Variants in CARHSP1 observed in about 807,000 individuals in gnomAD.
CARHSP1 encodes calcium regulated heat stable protein 1.
CARHSP1 carries 14 observed loss-of-function variants against 12.5 expected under a neutral mutation model. The observed-to-expected ratio is 1.12, with a 90% CI of 0.74 to 1.75. The LOEUF is 1.75. Ranked by LOEUF, CARHSP1 falls within the 40% of genes most tolerant of loss-of-function variation. The pLI is 0.00. For missense variants in CARHSP1, 343 were observed against 201.6 expected, an observed-to-expected ratio of 1.70 and a Z score of -4.25; for synonymous variants, 161 against 82.0, an observed-to-expected ratio of 1.96 and a Z score of -5.20.
In CARHSP1 at chr16:8,855,200, C is replaced by G. The variant is rs369895461; in HGVS notation, c.408G>C (p.Lys136Asn). ...VVITHLAPGT[K>N]HETWSGHVIS... is the part of the protein sequence containing the mutation. ...TGACATGTCCAGACCAGGTCTCATG[C>G]TTGGTGCCTGGTGCCAGGTGAGTGA... The change falls in exon 4 of 4, where the codon AAG becomes AAC. Residue 136 changes from lysine to asparagine, a missense_variant. Physicochemically the swap from Lys to Asn is moderately conservative, Grantham distance 94 (BLOSUM62 0). Transcript: ENST00000311052. The G allele has an allele frequency of 5.2e-5, 84 of 1,612,180 alleles. No individual in the cohort carries two copies. The highest frequency in any genetic ancestry group is 7.0e-5 in the Non-Finnish European group (82 of 1,178,878).
chr16:8,861,653 G>A (rs1449050006), intron 1 of CARHSP1: 3 of 1,289,016 alleles, frequency 2.3e-6, no homozygotes, highest in Non-Finnish European at 3.0e-6. Context: ...TTCTGGAGGA[G>A]GTGGCATCCT....
intron 1 of CARHSP1, chr16:8,868,051 G>A (rs1353896099): frequency 6.6e-6 from 1 of 152,288 alleles, no homozygotes; most frequent in Non-Finnish European, 1.5e-5. Context: ...TAGCTTACGT[G>A]TCTCCCGGCA....
chr16:8,858,949 C>T (rs1195440122), intron 2 of CARHSP1: 5 of 475,698 alleles, frequency 1.1e-5, no homozygotes, highest in Non-Finnish European at 1.5e-5. Flanking sequence ...ACTGCCCACC[C>T]ATTGCCACTC....
At chr16:8,858,014 C>T (rs963582675) in intron 3 of CARHSP1, 39 of 251,262 alleles carry the variant, frequency 1.6e-4, no homozygotes, top group Middle Eastern at 2.9e-3. Context: ...CCACCCACCT[C>T]GGCCTCCCAA....
At chr16:8,864,073 A>G (rs1302373962) in intron 1 of CARHSP1, among the ~76,000 whole-genome samples, 1 of 152,168 alleles carries the variant, frequency 6.6e-6, no homozygotes, top group Non-Finnish European at 1.5e-5. Context: ...ACAAACTTCG[A>G]CCAAATGTCA....
Position 8,855,161 on chromosome 16 carries a change from C to G in CARHSP1, c.*3G>C, listed in dbSNP as rs1263824678. 1 of 1,574,232 alleles carries G rather than the reference C, an allele frequency of 6.4e-7. No homozygotes were observed. Among genetic ancestry groups the G allele is most frequent in the South Asian group, 1.2e-5 (1 of 86,654 alleles). ...ACAGGACAAGGGGTGCTTCCACCATCTCCTAGGAGCTGATGACATGTCCAG... is the reference window on the plus strand; with the variant it reads ...ACAGGACAAGGGGTGCTTCCACCATGTCCTAGGAGCTGATGACATGTCCAG... On this transcript the variant is annotated 3_prime_UTR_variant, in exon 4 of 4. Coordinates refer to ENST00000311052, the MANE Select transcript of CARHSP1 (RefSeq NM_014316.4).
chr16:8,855,332 G>A lies in CARHSP1; in HGVS notation c.282-6C>T, dbSNP rs751713938. ...GGACATACTCCCCTTCCACACTACGGGGGCATAAATAAAGCAGTCAGGGCT... is the reference window on the plus strand; with the variant it reads ...GGACATACTCCCCTTCCACACTACGAGGGCATAAATAAAGCAGTCAGGGCT... On this transcript the variant is annotated splice_region_variant and splice_polypyrimidine_tract_variant and intron_variant, in intron 3 of 3. Coordinates refer to ENST00000311052, the MANE Select transcript of CARHSP1 (RefSeq NM_014316.4). 10 of 1,557,974 alleles carry A rather than the reference G, an allele frequency of 6.4e-6. No homozygotes were observed. The South Asian group carries it at 1.1e-4, about 17-fold the overall frequency.
At chr16:8,858,800 T>C (rs2061242088) in intron 2 of CARHSP1, 2 of 419,290 alleles carry the variant, frequency 4.8e-6, no homozygotes, top group South Asian at 4.1e-5. Context: ...TCGCAAGGCC[T>C]GAGACCTGCA....
At position 8,860,260 on chromosome 16, in the gene CARHSP1, A is replaced by G. The variant is rs569482239; in HGVS notation, c.-7-925T>C. 1.0e-4 allele frequency: 100 copies of G among 983,178 alleles called. No individual in the cohort carries two copies. In the African/African-American group the frequency reaches 1.5e-3, roughly 15 times the overall value. The allele number at this position is 983,178 out of a possible 1,614,324, so 60.9% of individuals were successfully genotyped here. ...GGAAAGGGAGAATTTCCAAGGCTGC[A>G]TCCAGCTCCATCAGGCCCAGTGAAT... On this transcript the variant is annotated intron_variant, in intron 1 of 3. Transcript: ENST00000311052.
chr16:8,856,684 T>C (rs1039463520), intron 3 of CARHSP1, among the ~76,000 whole-genome samples: 5 of 152,232 alleles, frequency 3.3e-5, no homozygotes, highest in East Asian at 1.9e-4. Flanking sequence ...TTCAGAAATG[T>C]GGTTTCCGTG....
At chr16:8,859,700 G>C (rs1054665581) in intron 1 of CARHSP1, 1 of 170,468 alleles carries the variant, frequency 5.9e-6, no homozygotes, top group Non-Finnish European at 1.3e-5. Context: ...GCCAGGGGCC[G>C]GGCGCAGTGG....
At chr16:8,855,444 C>G in intron 3 of CARHSP1, 118 bp from the exon 4 acceptor site, 1 of 848,748 alleles carries the variant, frequency 1.2e-6, no homozygotes, top group Non-Finnish European at 1.6e-6. Context: ...TGACCAACCA[C>G]CGGGAACCTC....
intron 3 of CARHSP1, among the ~76,000 whole-genome samples, chr16:8,857,228 C>T (rs909453103): frequency 6.9e-6 from 1 of 144,154 alleles, no homozygotes; most frequent in Non-Finnish European, 1.5e-5. Context: ...GATCCATTTC[C>T]ATCACTTTCT....
intron 1 of CARHSP1, chr16:8,860,190 C>G: frequency 1.3e-5 from 13 of 985,444 alleles, no homozygotes; most frequent in Non-Finnish European, 1.4e-5. Context: ...GCAGCTGTCA[C>G]AAGCCTGCAC....
intron 3 of CARHSP1, among the ~76,000 whole-genome samples, chr16:8,856,616 G>T (rs754666900): frequency 2.7e-5 from 4 of 150,652 alleles, no homozygotes; most frequent in Non-Finnish European, 4.4e-5. Context: ...TGATAGGTAA[G>T]CATGGGGCGG....
Position 8,859,212 on chromosome 16 carries a change from G to T in CARHSP1, c.117C>A (p.Val39=). The part of the protein sequence containing the change: ...RSPSPLRGNV[V]PSPLPTRRTR... ...TCCGGCGAGTGGGCAGTGGGCTTGG[G>T]ACCACGTTGCCCCGCAGAGGGGATG... Residue 39 remains valine (V), a synonymous_variant, in exon 2 of 4, where the codon GTC becomes GTA. Coordinates refer to ENST00000311052, the MANE Select transcript of CARHSP1 (RefSeq NM_014316.4). The T allele has an allele frequency of 6.2e-7, 1 of 1,603,926 alleles. No homozygotes were observed. The highest frequency in any genetic ancestry group is 1.1e-5 in the South Asian group (1 of 89,532).
chr16:8,867,820 G>A (rs780898313), intron 1 of CARHSP1: 1 of 152,394 alleles, frequency 6.6e-6, no homozygotes, highest in African/African-American at 2.4e-5. Flanking sequence ...GGCAGAGAGA[G>A]GCTGGAGAAG....
intron 1 of CARHSP1, chr16:8,867,542 G>A (rs962519180): frequency 6.6e-6 from 1 of 152,402 alleles, no homozygotes; most frequent in East Asian, 1.9e-4. Context: ...TTTGCCACTC[G>A]GTGGAACAAA....
At chr16:8,856,647 ACT>A (rs1210388031) in intron 3 of CARHSP1, among the ~76,000 whole-genome samples, 2 of 151,540 alleles carry the variant, frequency 1.3e-5, no homozygotes, top group Non-Finnish European at 2.9e-5. Flanking sequence ...AGGAGGGGTA[ACT>A]CCCCCATTGC....
Sources: gnomAD v4.1 joint callset for allele counts (sites outside exome capture counted in the v4.1 genomes callset) on GRCh38, gnomAD v4.1.1 for gene constraint, MANE v1.5 for transcripts, NCBI Gene and HGNC (gene_info 2026-07-23, HGNC 2026-07-21) for gene names.